Variants in NDFIP2 observed in about 807,000 individuals in gnomAD.
NDFIP2 encodes NEDD4 family-interacting protein 2.
A neutral mutation model predicts 36.0 loss-of-function variants in NDFIP2; 19 were observed. That is an observed-to-expected ratio of 0.53 (90% CI 0.37 to 0.77). NDFIP2 has a LOEUF of 0.77. Ranked by LOEUF, NDFIP2 falls within the 30% of genes least tolerant of loss-of-function variation. The pLI, the probability that NDFIP2 is intolerant of heterozygous loss-of-function variation, is 0.00. For synonymous variants in NDFIP2, 181 were observed against 167.7 expected (o/e 1.08, Z -0.61); for missense variants, 446 against 435.8 (o/e 1.02, Z -0.21).
chr13:79,511,936 C>A (rs572265815), intron 1 of NDFIP2, among the ~76,000 whole-genome samples: 1 of 152,254 alleles, frequency 6.6e-6, no homozygotes, highest in African/African-American at 2.4e-5. Flanking sequence ...GTTTTCTGTT[C>A]TCCCTAAATA....
chr13:79,541,176 A>G lies in NDFIP2; in HGVS notation c.715+1401A>G, dbSNP rs552724400. Among the ~76,000 whole-genome samples, 9 of 152,154 alleles carry G rather than the reference A, an allele frequency of 5.9e-5. 1 individual carries two copies. The South Asian group carries it at 1.7e-3, about 28-fold the overall frequency. ...CTAAATATATTGTATTATTTTTAGT[A>G]TAAATACCTGGTTCTGGGGAATAAA... On this transcript the variant is annotated intron_variant, in intron 4 of 7. Transcript: ENST00000218652.
At chr13:79,520,213 T>C (rs1874513717) in intron 1 of NDFIP2, among the ~76,000 whole-genome samples, 1 of 152,254 alleles carries the variant, frequency 6.6e-6, no homozygotes, top group Admixed American at 6.5e-5. Flanking sequence ...TTTCTGATTA[T>C]TCTAGATTCA....
chr13:79,499,158 C>T (rs923455343), intron 1 of NDFIP2, among the ~76,000 whole-genome samples: 7 of 151,788 alleles, frequency 4.6e-5, no homozygotes, highest in South Asian at 2.1e-4. Context: ...AATCACATGA[C>T]GTATAACAGG....
intron 1 of NDFIP2, among the ~76,000 whole-genome samples, chr13:79,515,606 G>C (rs1874276329): frequency 6.6e-6 from 1 of 152,206 alleles, no homozygotes; most frequent in African/African-American, 2.4e-5. Flanking sequence ...TTGCCAAATT[G>C]AGTGTTTATA....
At chr13:79,510,293 A>G (rs965700308) in intron 1 of NDFIP2, among the ~76,000 whole-genome samples, 6 of 151,872 alleles carry the variant, frequency 4.0e-5, no homozygotes, top group African/African-American at 1.5e-4. Flanking sequence ...GTGTATTAAA[A>G]GTATTAGGCA....
intron 6 of NDFIP2, among the ~76,000 whole-genome samples, chr13:79,550,548 A>G (rs1594862020): frequency 6.6e-6 from 1 of 151,622 alleles, no homozygotes; most frequent in Non-Finnish European, 1.5e-5. Context: ...ATATTACTAT[A>G]CAGGCTTATT....
chr13:79,482,497 A>G lies in NDFIP2; in HGVS notation c.321+973A>G, dbSNP rs117095253. 1.4e-3 allele frequency among the ~76,000 whole-genome samples: 206 copies of G among 152,260 alleles called. 5 individuals carry two copies. The East Asian group carries it at 0.031, about 23-fold the overall frequency. On this transcript the variant is annotated intron_variant, in intron 1 of 7. Transcript: ENST00000218652. ...GTAGCATGTCATTCTACAAACTTTC[A>G]GCCCATTTACTGAGGGAGAGGAGAA...
intron 7 of NDFIP2, among the ~76,000 whole-genome samples, chr13:79,551,493 G>A (rs140219066): frequency 4.6e-4 from 69 of 151,554 alleles, no homozygotes; most frequent in African/African-American, 1.6e-3. Context: ...CCGAAGGAAT[G>A]AGCATTTTTG....
In NDFIP2 at chr13:79,503,243, C is replaced by A. The variant is rs189633813; in HGVS notation, c.322-17567C>A. Among the ~76,000 whole-genome samples the A allele has an allele frequency of 4.9e-4, 75 of 152,210 alleles. 1 individual carries two copies. The Middle Eastern group carries it at 0.01, about 21-fold the overall frequency. Reference sequence around the variant, plus strand: ...CCATGGTGTCAGTGAACTCTTATGGCCTTGTTGGAACTGGAAACTAAATTT... The same window carrying A: ...CCATGGTGTCAGTGAACTCTTATGGACTTGTTGGAACTGGAAACTAAATTT... On this transcript the variant is annotated intron_variant, in intron 1 of 7. Transcript: ENST00000218652.
At chr13:79,515,631 A>G (rs765003114) in intron 1 of NDFIP2, among the ~76,000 whole-genome samples, 8 of 152,216 alleles carry the variant, frequency 5.3e-5, no homozygotes, top group African/African-American at 7.2e-5. Context: ...AACGACTGCC[A>G]TAAGTCAGTT....
At chr13:79,482,943 T>C (rs2079823927) in intron 1 of NDFIP2, among the ~76,000 whole-genome samples, 1 of 152,180 alleles carries the variant, frequency 6.6e-6, no homozygotes, top group Non-Finnish European at 1.5e-5. Context: ...TTAGCAAAAA[T>C]AAAATGATAT....
At chr13:79,530,434 TTAAAA>T (rs1225929871) in intron 2 of NDFIP2, among the ~76,000 whole-genome samples, 18 of 152,310 alleles carry the variant, frequency 1.2e-4, no homozygotes, top group Non-Finnish European at 2.2e-4. Flanking sequence ...TGGCAATTTG[TTAAAA>T]TAAGACAGCA....
At chr13:79,515,790 A>T (rs1409974733) in intron 1 of NDFIP2, among the ~76,000 whole-genome samples, 1 of 151,850 alleles carries the variant, frequency 6.6e-6, no homozygotes, top group Non-Finnish European at 1.5e-5. Context: ...GAGGTAGCTC[A>T]CCTTCTTCTT....
Position 79,543,664 on chromosome 13 carries a change from A to G in NDFIP2, c.822A>G (p.Lys274=), listed in dbSNP as rs374117696. 27 of 1,613,822 alleles carry G rather than the reference A, an allele frequency of 1.7e-5. No homozygotes were observed. In the East Asian group the frequency reaches 3.3e-4, roughly 20 times the overall value. Residue 274 remains lysine (K), a synonymous_variant, in exon 5 of 8, where the codon AAA becomes AAG. Transcript: ENST00000218652. ...GCGGATTTGGCCTTTCCTTGATCAAATGGATCCTTATTGTCAGGGTGAGTG... is the reference window on the plus strand; with the variant it reads ...GCGGATTTGGCCTTTCCTTGATCAAGTGGATCCTTATTGTCAGGGTGAGTG... The part of the protein sequence containing the change: ...AICGFGLSLI[K]WILIVRFSDY...
chr13:79,551,212 A>G (rs1459965847), intron 7 of NDFIP2, 90 bp downstream of exon 7: 1 of 621,082 alleles, frequency 1.6e-6, no homozygotes. Context: ...TGTATTCATG[A>G]TTTTTACTGT....
At chr13:79,497,791 GGGGGGTGTGTGT>G (rs1374970585) in intron 1 of NDFIP2, among the ~76,000 whole-genome samples, 32 of 67,130 alleles carry the variant, frequency 4.8e-4, no homozygotes, top group African/African-American at 5.9e-4. Context: ...CTTTATCTGT[GGGGGGTGTGTGT>G]GTGTGTGTGT....
chr13:79,501,911 G>T (rs1356042773), intron 1 of NDFIP2, among the ~76,000 whole-genome samples: 2 of 152,108 alleles, frequency 1.3e-5, no homozygotes, highest in East Asian at 3.9e-4. Context: ...ATGATAGACT[G>T]TGTTGACTTT....
At chr13:79,550,990 A>G (rs750340043) in intron 6 of NDFIP2, 27 bp from the exon 7 acceptor site, 4 of 1,328,468 alleles carry the variant, frequency 3.0e-6, no homozygotes, top group Non-Finnish European at 3.2e-6. Flanking sequence ...AAAACATAGT[A>G]TATCCATATT....
intron 1 of NDFIP2, among the ~76,000 whole-genome samples, chr13:79,500,570 A>G (rs1165495670): frequency 6.6e-6 from 1 of 152,060 alleles, no homozygotes; most frequent in Non-Finnish European, 1.5e-5. Flanking sequence ...AGCAAATGAA[A>G]AGATACTCTG....
Sources: allele counts gnomAD v4.1 joint callset (sites outside exome capture counted in the v4.1 genomes callset), GRCh38; gene constraint gnomAD v4.1.1; transcripts MANE v1.5; gene names NCBI Gene and HGNC (gene_info 2026-07-23, HGNC 2026-07-21).